The following SMC6 variants were observed in gnomAD, a reference collection of about 807,000 sequenced individuals.
SMC6 encodes structural maintenance of chromosomes protein 6.
Under a neutral mutation model 142.2 loss-of-function variants are expected in SMC6, and 79 were observed. The observed-to-expected ratio is 0.56, with a 90% CI of 0.46 to 0.67. SMC6 has a LOEUF of 0.67. SMC6 is among the 30% of genes least tolerant of loss of function. SMC6 has a pLI of 0.00. For missense variants in SMC6, 1,072 were observed against 1,284.0 expected (o/e 0.83, Z 2.52); for synonymous variants, 411 against 412.4 (o/e 1.00, Z 0.04).
chr2:17,670,736 A>G (rs903794047), intron 25 of SMC6, among the ~76,000 whole-genome samples, 161 bp from the exon 26 acceptor site: 3 of 152,246 alleles, frequency 2.0e-5, no homozygotes, highest in African/African-American at 7.2e-5. Flanking sequence ...AAAATTTTAC[A>G]GTAAAACAGT....
chr2:17,684,242 A>G (rs1408652582), intron 23 of SMC6, among the ~76,000 whole-genome samples: 1 of 152,210 alleles, frequency 6.6e-6, no homozygotes, highest in East Asian at 1.9e-4. Flanking sequence ...GTGCTATTAC[A>G]AAAGGCAACA....
At chr2:17,747,800 G>A (rs1670830394) in intron 2 of SMC6, among the ~76,000 whole-genome samples, 1 of 152,012 alleles carries the variant, frequency 6.6e-6, no homozygotes, top group African/African-American at 2.4e-5. Context: ...CATCACGGCT[G>A]GCCAAAACTG....
intron 13 of SMC6, 59 bp downstream of exon 13, chr2:17,717,029 T>C: frequency 6.5e-7 from 1 of 1,546,782 alleles, no homozygotes; most frequent in Non-Finnish European, 8.8e-7. Flanking sequence ...CTCCAATGCA[T>C]CTACCTTACT....
intron 3 of SMC6, among the ~76,000 whole-genome samples, chr2:17,745,294 G>A (rs969796134): frequency 7.8e-6 from 1 of 127,700 alleles, no homozygotes; most frequent in Non-Finnish European, 1.6e-5. Context: ...TAAATGTTTG[G>A]TATAATTCTC....
chr2:17,731,855 A>G lies in SMC6; in HGVS notation c.367T>C (p.Leu123=), dbSNP rs749231719. The G allele has an allele frequency of 1.1e-5, 17 of 1,613,510 alleles. No individual in the cohort carries two copies. The highest frequency in any genetic ancestry group is 1.4e-5 in the Non-Finnish European group (16 of 1,179,754). Residue 123 remains leucine (L), a synonymous_variant, in exon 6 of 28, where the codon TTG becomes CTG. Transcript: ENST00000448223. ...AAGGCATCATCTCCTCTGTTCCTCA[A>G]TGTTATTGAGATATCTGCAGAGCTG... ...GQNSADISIT[L]RNRGDDAFKA...
At chr2:17,691,962 C>G (rs1433721387) in intron 23 of SMC6, among the ~76,000 whole-genome samples, 3 of 152,122 alleles carry the variant, frequency 2.0e-5, no homozygotes, top group Non-Finnish European at 2.9e-5. Context: ...ACAATTGCTT[C>G]AAAGAGAATA....
intron 7 of SMC6, among the ~76,000 whole-genome samples, chr2:17,728,432 C>A (rs1669740499): frequency 6.6e-6 from 1 of 151,594 alleles, no homozygotes; most frequent in Non-Finnish European, 1.5e-5. Flanking sequence ...AGACCCTGTC[C>A]CAAGGCTCAT....
At chr2:17,668,745 G>C (rs1666619073) in intron 26 of SMC6, among the ~76,000 whole-genome samples, 1 of 152,146 alleles carries the variant, frequency 6.6e-6, no homozygotes, top group African/African-American at 2.4e-5. Context: ...ATGTGATTAA[G>C]GAGGGCATAC....
intron 23 of SMC6, among the ~76,000 whole-genome samples, chr2:17,694,000 CAAAAAAAAAAA>C (rs751816590): frequency 8.7e-5 from 3 of 34,514 alleles, no homozygotes; most frequent in Non-Finnish European, 1.1e-4. Flanking sequence ...AACTCCATCT[CAAAAAAAAAAA>C]AAAAAAAAAA....
rs150954891 is a variant in SMC6 at position 17,736,685 on chromosome 2, C to G, written c.344+1536G>C. ...AGCCCAGGAGTTGAGCCCAGGAGTT[C>G]GAGGCCAGGCCCCTTCGCTACTAAA... is the stretch of plus-strand genomic sequence containing the variant. On this transcript the variant is annotated intron_variant, in intron 5 of 27. Coordinates refer to ENST00000448223, the MANE Select transcript of SMC6 (RefSeq NM_001142286.2). 4.7e-3 allele frequency among the ~76,000 whole-genome samples: 702 copies of G among 149,480 alleles called. 8 individuals carry two copies. Among genetic ancestry groups the G allele is most frequent in the African/African-American group, 0.016 (658 of 40,440 alleles).
chr2:17,736,903 C>G (rs898035567), intron 5 of SMC6, among the ~76,000 whole-genome samples: 23 of 151,394 alleles, frequency 1.5e-4, no homozygotes, highest in African/African-American at 5.6e-4. Context: ...ATTCTATTGA[C>G]TAGTAAATAA....
At chr2:17,714,764 G>T in intron 16 of SMC6, 97 bp downstream of exon 16, 1 of 1,249,028 alleles carries the variant, frequency 8.0e-7, no homozygotes, top group Non-Finnish European at 1.1e-6. Flanking sequence ...ACAAATCAGT[G>T]GTAAAGATAT....
At chr2:17,675,279 G>C (rs1666949864) in intron 25 of SMC6, among the ~76,000 whole-genome samples, 1 of 152,030 alleles carries the variant, frequency 6.6e-6, no homozygotes, top group South Asian at 2.1e-4. Context: ...CAACAGTTTA[G>C]AACTCCATGT....
intron 21 of SMC6, among the ~76,000 whole-genome samples, chr2:17,699,059 A>G (rs191035304): frequency 6.6e-6 from 1 of 152,206 alleles, no homozygotes; most frequent in East Asian, 1.9e-4. Flanking sequence ...AGCCTTCTAA[A>G]CATAATTTTT....
At chr2:17,677,766 G>A (rs1157118877) in intron 25 of SMC6, among the ~76,000 whole-genome samples, 1 of 151,996 alleles carries the variant, frequency 6.6e-6, no homozygotes, top group Non-Finnish European at 1.5e-5. Flanking sequence ...AAAAACCAAA[G>A]GCAGGTAAAG....
intron 25 of SMC6, among the ~76,000 whole-genome samples, chr2:17,678,095 G>GA (rs1553309130): frequency 4.6e-5 from 7 of 151,772 alleles, no homozygotes; most frequent in Non-Finnish European, 5.9e-5. Flanking sequence ...GAACACGGCA[G>GA]TTTTTTTTAC....
intron 25 of SMC6, among the ~76,000 whole-genome samples, chr2:17,671,581 C>G (rs547525213): frequency 2.3e-5 from 3 of 132,136 alleles, no homozygotes; most frequent in Non-Finnish European, 3.1e-5. Context: ...TGCACTCCAG[C>G]CTGGTCGACA....
At chr2:17,727,472 G>A (rs1214027015) in intron 7 of SMC6, among the ~76,000 whole-genome samples, 1 of 151,124 alleles carries the variant, frequency 6.6e-6, no homozygotes, top group Non-Finnish European at 1.5e-5. Flanking sequence ...GTGGGACCTT[G>A]TGATCATGTG....
At chr2:17,695,813 T>G (rs78103041) in intron 22 of SMC6, among the ~76,000 whole-genome samples, 1 of 152,170 alleles carries the variant, frequency 6.6e-6, no homozygotes, top group African/African-American at 2.4e-5. Context: ...CCTTAAGATA[T>G]AAATGCAAAA....
Sources: allele counts gnomAD v4.1 joint callset (sites outside exome capture counted in the v4.1 genomes callset), GRCh38; gene constraint gnomAD v4.1.1; transcripts MANE v1.5; gene names NCBI Gene and HGNC (gene_info 2026-07-23, HGNC 2026-07-21).